Variants in FOXP2 observed in about 807,000 individuals in gnomAD.
FOXP2 encodes the protein forkhead box protein P2.
A neutral mutation model predicts 115.8 loss-of-function variants in FOXP2; 12 were observed. That is an observed-to-expected ratio of 0.10 (90% CI 0.07 to 0.17). The LOEUF (loss-of-function observed/expected upper bound fraction) is 0.17. FOXP2 is among the 10% of genes least tolerant of loss of function. FOXP2 has a pLI of 1.00. For missense variants in FOXP2, 629 were observed against 843.5 expected (o/e 0.75, Z 3.15); for synonymous variants, 328 against 297.7 (o/e 1.10, Z -1.05).
chr7:114,365,659 T>C (rs1314095597), intron 2 of FOXP2, among the ~76,000 whole-genome samples: 2 of 152,090 alleles, frequency 1.3e-5, no homozygotes, highest in Non-Finnish European at 2.9e-5. Flanking sequence ...ACAATAGCCC[T>C]TTACTAAGAT....
At chr7:114,552,704 A>G (rs1800269886) in intron 3 of FOXP2, among the ~76,000 whole-genome samples, 1 of 152,174 alleles carries the variant, frequency 6.6e-6, no homozygotes, top group African/African-American at 2.4e-5. Context: ...ACGTTATTCC[A>G]TTATGTTCCA....
At chr7:114,091,668 G>A (rs1799546943) in intron 1 of FOXP2, among the ~76,000 whole-genome samples, 1 of 151,672 alleles carries the variant, frequency 6.6e-6, no homozygotes, top group South Asian at 2.1e-4. Flanking sequence ...CACTTTTACT[G>A]TTTCATGTTG....
chr7:114,599,453 A>T (rs1304977703), intron 3 of FOXP2, among the ~76,000 whole-genome samples: 1 of 152,144 alleles, frequency 6.6e-6, no homozygotes, highest in African/African-American at 2.4e-5. Flanking sequence ...ATTCACTGGT[A>T]AAGTCAACTG....
At chr7:114,361,628 A>G (rs535619034) in intron 2 of FOXP2, among the ~76,000 whole-genome samples, 1 of 152,240 alleles carries the variant, frequency 6.6e-6, no homozygotes, top group African/African-American at 2.4e-5. Context: ...AAATACTTTT[A>G]TATAGCAATT....
At chr7:114,339,160 T>A (rs1791132197) in intron 2 of FOXP2, among the ~76,000 whole-genome samples, 1 of 151,224 alleles carries the variant, frequency 6.6e-6, no homozygotes. Flanking sequence ...CTTTTCTGTA[T>A]TTTTTCTTAC....
intron 3 of FOXP2, among the ~76,000 whole-genome samples, chr7:114,586,410 G>C (rs193209229): frequency 6.6e-6 from 1 of 151,998 alleles, no homozygotes. Context: ...AAGTGTTTTA[G>C]TAATTTTACT....
At chr7:114,437,729 G>C (rs1794419027) in intron 2 of FOXP2, among the ~76,000 whole-genome samples, 1 of 152,164 alleles carries the variant, frequency 6.6e-6, no homozygotes, top group African/African-American at 2.4e-5. Context: ...GCTGAAGGAA[G>C]AGAGAGTACC....
chr7:114,527,646 C>A (rs1798941532), intron 2 of FOXP2, among the ~76,000 whole-genome samples: 1 of 152,170 alleles, frequency 6.6e-6, no homozygotes, highest in South Asian at 2.1e-4. Context: ...GAAATCTTCT[C>A]TTGATTATTC....
chr7:114,506,486 A>G (rs1797823991), intron 2 of FOXP2, among the ~76,000 whole-genome samples: 1 of 151,666 alleles, frequency 6.6e-6, no homozygotes, highest in Non-Finnish European at 1.5e-5. Flanking sequence ...ATACAGGAAA[A>G]TTTAATCATG....
intron 1 of FOXP2, among the ~76,000 whole-genome samples, chr7:114,166,357 T>G (rs374051190): frequency 1.3e-5 from 2 of 152,256 alleles, no homozygotes; most frequent in East Asian, 3.9e-4. Flanking sequence ...AAAATAGGTA[T>G]CTGATAAAAG....
At chr7:114,170,090 G>A (rs552805775) in intron 1 of FOXP2, among the ~76,000 whole-genome samples, 1 of 152,258 alleles carries the variant, frequency 6.6e-6, no homozygotes, top group South Asian at 2.1e-4. Flanking sequence ...CCAACAGAAT[G>A]TGATCACTTT....
intron 2 of FOXP2, among the ~76,000 whole-genome samples, chr7:114,310,132 G>A (rs1797112066): frequency 6.6e-6 from 1 of 152,168 alleles, no homozygotes. Flanking sequence ...GTAAGCAGCA[G>A]CAGTATAGGA....
At chr7:114,482,973 C>T (rs745790614) in intron 2 of FOXP2, among the ~76,000 whole-genome samples, 21 of 151,566 alleles carry the variant, frequency 1.4e-4, no homozygotes, top group Non-Finnish European at 2.7e-4. Context: ...ATAAAATATA[C>T]TGTGTTATAC....
intron 3 of FOXP2, among the ~76,000 whole-genome samples, chr7:114,624,409 T>C (rs1407935076): frequency 6.6e-6 from 1 of 151,902 alleles, no homozygotes. Flanking sequence ...AATAATGTTT[T>C]ATACTGTAAA....
intron 3 of FOXP2, among the ~76,000 whole-genome samples, chr7:114,616,737 A>G (rs545119166): frequency 1.4e-4 from 22 of 152,284 alleles, no homozygotes; most frequent in Non-Finnish European, 2.6e-4. Flanking sequence ...TGATATGCTA[A>G]TGACTCCCCA....
chr7:114,131,555 C>CA lies in FOXP2; in HGVS notation c.-246-31379dup, dbSNP rs549023381. ...AGTCGAGCCTGCTGCAAGGAATGTGCAAAAAAAAAAGAAAAACATATGAAA... is the reference window on the plus strand; with the variant it reads ...AGTCGAGCCTGCTGCAAGGAATGTGCAAAAAAAAAAAGAAAAACATATGAAA... On this transcript the variant is annotated intron_variant, in intron 1 of 19. Coordinates refer to the FOXP2 transcript ENST00000635638. Among the ~76,000 whole-genome samples the CA allele has an allele frequency of 6.8e-3, 942 of 137,620 alleles. 9 individuals are homozygous for CA. Among genetic ancestry groups the CA allele is most frequent in the South Asian group, 0.022 (98 of 4,416 alleles). The allele number at this position is 137,620 out of a possible 152,430, so 90.3% of individuals were successfully genotyped here. A position where few individuals can be genotyped will look rare whatever the true frequency, so the allele number is the denominator to read the frequency against.
At chr7:114,455,392 A>G (rs1030891893) in intron 2 of FOXP2, among the ~76,000 whole-genome samples, 1 of 152,216 alleles carries the variant, frequency 6.6e-6, no homozygotes, top group Non-Finnish European at 1.5e-5. Context: ...ATGCACAAAG[A>G]CAACCTTATT....
upstream of FOXP2, among the ~76,000 whole-genome samples, chr7:114,410,817 T>C (rs1460414971): frequency 6.6e-6 from 1 of 151,760 alleles, no homozygotes; most frequent in African/African-American, 2.4e-5. Context: ...AATACCCCTC[T>C]CAATAATACT....
chr7:114,164,611 A>T (rs1401236362), intron 1 of FOXP2, among the ~76,000 whole-genome samples: 1 of 152,116 alleles, frequency 6.6e-6, no homozygotes, highest in African/African-American at 2.4e-5. Flanking sequence ...AACTGCTGGG[A>T]TTACAGGCAT....
Sources: gnomAD v4.1 joint callset for allele counts (sites outside exome capture counted in the v4.1 genomes callset) on GRCh38, gnomAD v4.1.1 for gene constraint, MANE v1.5 for transcripts, NCBI Gene and HGNC (gene_info 2026-07-23, HGNC 2026-07-21) for gene names.